FRMD4B: variants seen among roughly 807,000 people sequenced by gnomAD.
The protein encoded by FRMD4B is FERM domain-containing protein 4B.
Under a neutral mutation model 141.5 loss-of-function variants are expected in FRMD4B, and 74 were observed. The observed-to-expected ratio is 0.52, with a 90% confidence interval of 0.43 to 0.63. FRMD4B has a LOEUF of 0.63. Among genes scored for constraint, FRMD4B ranks in the 30% least tolerant of loss-of-function variants. The pLI is 0.00. For missense variants in FRMD4B, 1,366 were observed against 1,253.4 expected (o/e 1.09, Z -1.36); for synonymous variants, 506 against 467.9 (o/e 1.08, Z -1.05).
intron 5 of FRMD4B, among the ~76,000 whole-genome samples, chr3:69,255,835 C>G (rs746787201): frequency 6.6e-6 from 1 of 152,088 alleles, no homozygotes; most frequent in Non-Finnish European, 1.5e-5. Flanking sequence ...TAGAGGAAAT[C>G]GATGACCACA....
intron 2 of FRMD4B, among the ~76,000 whole-genome samples, chr3:69,399,214 T>C (rs888151097): frequency 1.3e-5 from 2 of 152,236 alleles, no homozygotes; most frequent in African/African-American, 2.4e-5. Flanking sequence ...ACTTCGTTCA[T>C]GGCCCTCCCC....
At chr3:69,317,754 CA>C (rs765280161) in intron 1 of FRMD4B, among the ~76,000 whole-genome samples, 9,856 of 52,524 alleles carry the variant, frequency 0.19, 129 homozygotes, top group South Asian at 0.26. Flanking sequence ...GACACCAACT[CA>C]AAAAAAAAAA....
chr3:69,451,060 G>C (rs1401580221), intron 1 of FRMD4B, among the ~76,000 whole-genome samples: 2 of 152,184 alleles, frequency 1.3e-5, no homozygotes, highest in African/African-American at 4.8e-5. Context: ...GCTTCAGAAA[G>C]AATGTGGCTC....
chr3:69,326,275 C>A (rs1330255213), intron 1 of FRMD4B, among the ~76,000 whole-genome samples: 1 of 152,080 alleles, frequency 6.6e-6, no homozygotes, highest in African/African-American at 2.4e-5. Flanking sequence ...ATTATTAAGA[C>A]ACTAAGCTGT....
At chr3:69,273,645 C>T (rs1411641693) in intron 5 of FRMD4B, among the ~76,000 whole-genome samples, 1 of 152,106 alleles carries the variant, frequency 6.6e-6, no homozygotes, top group Non-Finnish European at 1.5e-5. Flanking sequence ...GTCTATTTTG[C>T]AAAATTTGAT....
At chr3:69,198,969 T>C (rs1022339370) in intron 11 of FRMD4B, 195 bp from the exon 12 acceptor site, 30 of 573,172 alleles carry the variant, frequency 5.2e-5, no homozygotes, top group Non-Finnish European at 9.1e-5. Context: ...CAGCAATCTT[T>C]AACTATTAAG....
chr3:69,488,494 C>T lies in FRMD4B; in HGVS notation c.-129+53712G>A, dbSNP rs553863236. Among the ~76,000 whole-genome samples the T allele has an allele frequency of 2.1e-3, 321 of 152,298 alleles. 1 individual carries two copies. The highest frequency in any genetic ancestry group is 0.01 in the Middle Eastern group (3 of 294). ...GTCAATTCAATAGGGAAAGCATAGTCTTTTCAACAAATCATGCTGAGACAA... is the reference window on the plus strand; with the variant it reads ...GTCAATTCAATAGGGAAAGCATAGTTTTTTCAACAAATCATGCTGAGACAA... On this transcript the variant is annotated intron_variant, in intron 1 of 5. Transcript: ENST00000459638.
chr3:69,539,216 C>T (rs1037758661), intron 1 of FRMD4B, among the ~76,000 whole-genome samples: 2 of 152,100 alleles, frequency 1.3e-5, no homozygotes, highest in Admixed American at 1.3e-4. Context: ...TTTCCATGTA[C>T]CCTATTTGTA....
intron 2 of FRMD4B, among the ~76,000 whole-genome samples, chr3:69,415,830 C>T (rs1704848870): frequency 6.6e-6 from 1 of 152,196 alleles, no homozygotes; most frequent in Non-Finnish European, 1.5e-5. Flanking sequence ...TCCTTCATGG[C>T]ACATTGTAGG....
rs1165308556 is a variant in FRMD4B at position 69,265,989 on chromosome 3, T to C, written c.502-15890A>G. The stretch of plus-strand genomic sequence containing the variant: ...AGGCAGGAGGATTGCTTGAGCACAG[T>C]AGTTCTAGACCAGTCTGGGCAACAT... On this transcript the variant is annotated intron_variant, in intron 5 of 22. Coordinates refer to ENST00000398540, the MANE Select transcript of FRMD4B (RefSeq NM_015123.3). Among the ~76,000 whole-genome samples, 3 of 151,434 alleles carry C rather than the reference T, an allele frequency of 2.0e-5. No individual in the cohort carries two copies. In the East Asian group the frequency reaches 5.9e-4, roughly 30 times the overall value.
intron 11 of FRMD4B, among the ~76,000 whole-genome samples, chr3:69,203,532 C>T (rs1340947259): frequency 2.7e-5 from 4 of 149,458 alleles, no homozygotes; most frequent in African/African-American, 7.4e-5. Flanking sequence ...TGGACAGAGC[C>T]CTTCCATTGT....
intron 9 of FRMD4B, among the ~76,000 whole-genome samples, chr3:69,221,077 C>G (rs1180159157): frequency 6.6e-6 from 1 of 152,048 alleles, no homozygotes; most frequent in Non-Finnish European, 1.5e-5. Context: ...ATTTTCCTGC[C>G]TCAGCTTCTC....
chr3:69,366,000 C>G (rs568564323), intron 1 of FRMD4B, among the ~76,000 whole-genome samples: 1 of 150,754 alleles, frequency 6.6e-6, no homozygotes, highest in Admixed American at 6.6e-5. Flanking sequence ...GGGGGCAGAT[C>G]ATTTGAGGCC....
intron 1 of FRMD4B, among the ~76,000 whole-genome samples, chr3:69,346,988 C>T (rs926170263): frequency 6.6e-6 from 1 of 152,136 alleles, no homozygotes. Context: ...ACAATATTAA[C>T]CTTAAATGTA....
intron 1 of FRMD4B, among the ~76,000 whole-genome samples, chr3:69,541,592 T>C (rs1465504458): frequency 2.0e-5 from 3 of 152,196 alleles, no homozygotes; most frequent in African/African-American, 7.2e-5. Context: ...CGAAATGGCA[T>C]TTCTCAAAGT....
At chr3:69,212,900 T>C (rs2107713753) in intron 11 of FRMD4B, among the ~76,000 whole-genome samples, 1 of 152,354 alleles carries the variant, frequency 6.6e-6, no homozygotes, top group East Asian at 1.9e-4. Flanking sequence ...AAGTGAGGTC[T>C]ACCTTAAGAA....
intron 1 of FRMD4B, among the ~76,000 whole-genome samples, chr3:69,342,101 C>T (rs537468553): frequency 2.0e-5 from 3 of 152,276 alleles, no homozygotes; most frequent in Middle Eastern, 3.4e-3. Flanking sequence ...CACTTCCCCC[C>T]ACAAATATAG....
intron 2 of FRMD4B, among the ~76,000 whole-genome samples, chr3:69,423,123 T>C (rs1350464952): frequency 6.6e-6 from 1 of 152,226 alleles, no homozygotes; most frequent in Non-Finnish European, 1.5e-5. Flanking sequence ...TAGAATTCAT[T>C]CATAACTCCA....
At chr3:69,380,191 G>T (rs1041806409) in intron 1 of FRMD4B, among the ~76,000 whole-genome samples, 1 of 152,110 alleles carries the variant, frequency 6.6e-6, no homozygotes, top group African/African-American at 2.4e-5. Context: ...TTTAACTGTG[G>T]GCTTAGCTAA....
Sources: gnomAD v4.1 joint callset for allele counts (sites outside exome capture counted in the v4.1 genomes callset) on GRCh38, gnomAD v4.1.1 for gene constraint, MANE v1.5 for transcripts, NCBI Gene and HGNC (gene_info 2026-07-23, HGNC 2026-07-21) for gene names.